The following SLC22A25 variants were observed in gnomAD, a reference collection of about 807,000 sequenced individuals.
The protein encoded by SLC22A25 is MGI:2442751, MGI:2385316, MGI:3042283, MGI:3645714, MGI:3605624, MGI:2442750.
In SLC22A25, 44 loss-of-function variants were observed where a neutral mutation model predicts 45.9. The observed-to-expected ratio is 0.96, with a 90% CI of 0.75 to 1.23. The LOEUF (loss-of-function observed/expected upper bound fraction) is 1.23, where lower values mean the gene tolerates loss of function less well. Ranked by LOEUF, SLC22A25 falls within the 50% of genes most tolerant of loss-of-function variation. The pLI is 0.00. For missense variants in SLC22A25, 800 were observed against 666.4 expected, an observed-to-expected ratio of 1.20 and a Z score of -2.21; for synonymous variants, 283 against 238.6, an observed-to-expected ratio of 1.19 and a Z score of -1.72.
At chr11:63,194,339 A>G (rs1307413955) in intron 7 of SLC22A25, among the ~76,000 whole-genome samples, 1 of 152,186 alleles carries the variant, frequency 6.6e-6, no homozygotes, top group African/African-American at 2.4e-5. Flanking sequence ...CCTCAAGAAG[A>G]GCAACCCCAA....
chr11:63,164,715 T>C lies in SLC22A25; in HGVS notation c.1286-81A>G, dbSNP rs572673235. 14 of 1,153,160 alleles carry C rather than the reference T, an allele frequency of 1.2e-5. No homozygotes were observed. The South Asian group carries it at 1.8e-4, about 14-fold the overall frequency. The allele number at this position is 1,153,160 out of a possible 1,614,324, so 71.4% of individuals were successfully genotyped here. On this transcript the variant is annotated intron_variant, in intron 10 of 11. Transcript: ENST00000306494. ...CTCCCAAGGTAGAAGTGAAAAGGACTGCTTTGGAGGTGTTTCCAGGGGTAA... is the reference window on the plus strand; with the variant it reads ...CTCCCAAGGTAGAAGTGAAAAGGACCGCTTTGGAGGTGTTTCCAGGGGTAA...
At position 63,243,568 on chromosome 11, in the gene SLC22A25, C is replaced by A. The variant is rs1414521928; in HGVS notation, c.-1130G>T. The A allele has an allele frequency of 3.9e-6, 3 of 763,218 alleles. No individual in the cohort carries two copies. Among genetic ancestry groups the A allele is most frequent in the Non-Finnish European group, 7.3e-6 (3 of 408,970 alleles). The allele number at this position is 763,218 out of a possible 1,614,324, so 47.3% of individuals were successfully genotyped here. A position where few individuals can be genotyped will look rare whatever the true frequency, so the allele number is the denominator to read the frequency against. On this transcript the variant is annotated 5_prime_UTR_variant, in exon 1 of 12. Transcript: ENST00000306494. ...CCAAAAAGCTGTGCATTTATACCGA[C>A]AACTCCATCAAGCCTCAGGAGCTGC...
At chr11:63,202,906 G>T (rs1311501678) in intron 7 of SLC22A25, among the ~76,000 whole-genome samples, 1 of 152,194 alleles carries the variant, frequency 6.6e-6, no homozygotes, top group Non-Finnish European at 1.5e-5. Flanking sequence ...ATACAGGAGA[G>T]CTCCAGCTGG....
chr11:63,179,590 T>C (rs2155315), intron 9 of SLC22A25, among the ~76,000 whole-genome samples: 149,199 of 152,196 alleles, frequency 0.98, 73,213 homozygotes, highest in Middle Eastern at 1. Flanking sequence ...TCCTCTGATG[T>C]AGCAGCTTAA....
At chr11:63,191,599 C>T (rs1200416852) in intron 7 of SLC22A25, among the ~76,000 whole-genome samples, 1 of 152,134 alleles carries the variant, frequency 6.6e-6, no homozygotes, top group Non-Finnish European at 1.5e-5. Flanking sequence ...CCTGGTACCT[C>T]AGTTGGAAAT....
chr11:63,180,848 C>CTGTTGGTTGA, intron 8 of SLC22A25, 73 bp from the exon 9 acceptor site: 3 of 1,030,020 alleles, frequency 2.9e-6, no homozygotes, highest in African/African-American at 1.6e-5. Flanking sequence ...GACTTGTCAA[C>CTGTTGGTTGA]CAACAGATGA....
At chr11:63,195,918 G>A (rs570180894) in intron 7 of SLC22A25, among the ~76,000 whole-genome samples, 1 of 152,112 alleles carries the variant, frequency 6.6e-6, no homozygotes, top group Non-Finnish European at 1.5e-5. Context: ...TGACAAAGGG[G>A]ATATCACCAC....
intron 7 of SLC22A25, among the ~76,000 whole-genome samples, chr11:63,200,265 T>C (rs1485350515): frequency 5.4e-5 from 8 of 149,468 alleles, no homozygotes; most frequent in Non-Finnish European, 1.2e-4. Context: ...AAAAAATTAC[T>C]GGTAAACAGA....
chr11:63,177,996 C>T (rs981380495), intron 9 of SLC22A25, among the ~76,000 whole-genome samples: 6 of 150,908 alleles, frequency 4.0e-5, no homozygotes, highest in African/African-American at 1.5e-4. Context: ...CCATCTCAGC[C>T]TCCAGAGTAA....
intron 9 of SLC22A25, among the ~76,000 whole-genome samples, chr11:63,169,974 C>T (rs1033097682): frequency 3.9e-5 from 6 of 152,154 alleles, no homozygotes; most frequent in African/African-American, 1.4e-4. Context: ...TCTCTCAGAC[C>T]ACAGTGCAAT....
intron 7 of SLC22A25, among the ~76,000 whole-genome samples, chr11:63,193,261 C>T (rs2088878597): frequency 6.7e-6 from 1 of 149,740 alleles, no homozygotes; most frequent in Non-Finnish European, 1.5e-5. Context: ...TTCTGTATAT[C>T]CAACTGAGCT....
At position 63,161,213 on chromosome 11, in the gene SLC22A25, C is replaced by G. The variant is rs2087530511; in HGVS notation, c.*2611G>C. ...TGGAATGGATGTATTTATCCAATGC[C>G]TGTACCCCCATTGTATCTAGGAAGT... On this transcript the variant is annotated 3_prime_UTR_variant, in exon 12 of 12. Transcript: ENST00000306494. 6.6e-6 allele frequency among the ~76,000 whole-genome samples: 1 copy of G among 152,282 alleles called. No homozygotes were observed. The highest frequency in any genetic ancestry group is 2.4e-5 in the African/African-American group (1 of 41,560).
chr11:63,166,787 A>C, intron 9 of SLC22A25: 1 of 984,882 alleles, frequency 1.0e-6, no homozygotes, highest in Non-Finnish European at 1.2e-6. Flanking sequence ...TCTAGATTAG[A>C]ATAAGAAAAC....
chr11:63,161,367 G>A lies in SLC22A25; in HGVS notation c.*2457C>T, dbSNP rs977430099. ...AAAACTTTGGGGGACTGTTGGGAAG[G>A]CATGATTAGTTTTGAAATGTGAGGA... is the stretch of plus-strand genomic sequence containing the variant. On this transcript the variant is annotated 3_prime_UTR_variant, in exon 12 of 12. Coordinates refer to ENST00000306494, the MANE Select transcript of SLC22A25 (RefSeq NM_199352.6). 2.0e-5 allele frequency among the ~76,000 whole-genome samples: 3 copies of A among 152,150 alleles called. No homozygotes were observed. The highest frequency in any genetic ancestry group is 7.2e-5 in the African/African-American group (3 of 41,438).
intron 5 of SLC22A25, among the ~76,000 whole-genome samples, chr11:63,225,732 T>G (rs1235928091): frequency 6.6e-6 from 1 of 152,170 alleles, no homozygotes; most frequent in African/African-American, 2.4e-5. Context: ...CCCTTGTCTC[T>G]CTCTCTGCCT....
intron 9 of SLC22A25, among the ~76,000 whole-genome samples, chr11:63,179,335 G>A (rs999108400): frequency 1.3e-4 from 20 of 151,970 alleles, no homozygotes; most frequent in South Asian, 2.1e-4. Flanking sequence ...CTGTTTCTTC[G>A]TGTTCTTTGT....
intron 5 of SLC22A25, among the ~76,000 whole-genome samples, chr11:63,226,507 C>G (rs2089965018): frequency 6.6e-6 from 1 of 152,142 alleles, no homozygotes; most frequent in African/African-American, 2.4e-5. Context: ...GAGTCTTTCT[C>G]TCTGTTCTGA....
At chr11:63,173,288 A>G (rs1023845183) in intron 9 of SLC22A25, among the ~76,000 whole-genome samples, 6 of 151,918 alleles carry the variant, frequency 3.9e-5, no homozygotes, top group Non-Finnish European at 8.8e-5. Flanking sequence ...AAACCTAGAT[A>G]ATGGGTTGAT....
At chr11:63,225,961 A>C (rs1364515626) in intron 5 of SLC22A25, among the ~76,000 whole-genome samples, 3 of 151,190 alleles carry the variant, frequency 2.0e-5, no homozygotes, top group Admixed American at 6.6e-5. Flanking sequence ...CATTTCTTCA[A>C]CTCCAGAATT....
Sources: allele counts gnomAD v4.1 joint callset (sites outside exome capture counted in the v4.1 genomes callset), GRCh38; gene constraint gnomAD v4.1.1; transcripts MANE v1.5; gene names NCBI Gene and HGNC (gene_info 2026-07-23, HGNC 2026-07-21).